Variants in NXN observed in about 807,000 individuals in gnomAD.
The protein encoded by NXN is nucleoredoxin.
In NXN, 16 loss-of-function variants were observed where a neutral mutation model predicts 48.6. The observed-to-expected ratio is 0.33, with a 90% CI of 0.22 to 0.50. The LOEUF (loss-of-function observed/expected upper bound fraction) is 0.50. Ranked by LOEUF, NXN falls within the 20% of genes least tolerant of loss-of-function variation. NXN has a pLI of 0.98. For missense variants in NXN, 492 were observed against 605.5 expected, an observed-to-expected ratio of 0.81 and a Z score of 1.97; for synonymous variants, 281 against 269.6, an observed-to-expected ratio of 1.04 and a Z score of -0.41.
intron 1 of NXN, among the ~76,000 whole-genome samples, chr17:852,216 G>A (rs959632476): frequency 2.6e-5 from 4 of 152,164 alleles, no homozygotes; most frequent in East Asian, 1.9e-4. Flanking sequence ...TCTGCCATCC[G>A]GGGGCATCCG....
intron 4 of NXN, among the ~76,000 whole-genome samples, chr17:820,598 C>T (rs1223210824): frequency 4.7e-5 from 3 of 63,992 alleles, no homozygotes; most frequent in Non-Finnish European, 5.3e-5. Flanking sequence ...GGCGACAGAG[C>T]GAGACTCTGT....
chr17:934,196 A>G (rs1281151401), intron 1 of NXN, among the ~76,000 whole-genome samples: 1 of 152,122 alleles, frequency 6.6e-6, no homozygotes, highest in African/African-American at 2.4e-5. Context: ...CTGTAATCCC[A>G]GCACTTTGGG....
chr17:849,661 C>T lies in NXN; in HGVS notation c.361-23583G>A, dbSNP rs2067902821. Among the ~76,000 whole-genome samples, 1 of 152,196 alleles carries T rather than the reference C, an allele frequency of 6.6e-6. No individual in the cohort carries two copies. The highest frequency in any genetic ancestry group is 1.5e-5 in the Non-Finnish European group (1 of 68,034). On this transcript the variant is annotated intron_variant, in intron 1 of 7. Transcript: ENST00000336868. This position sits in a 1 kb window ranked among gnomAD's most constrained non-coding sequence, Gnocchi z 4.2. ...CTTGTCCTCTGGCGGCCAGCTGCCT[C>T]ATCCCTTTACCTCCGCAGACAAGCA...
rs145476714 is a variant in NXN, at chr17:805,171, G to A, written c.897C>T (p.Asp299=). 2.0e-4 allele frequency: 315 copies of A among 1,610,212 alleles called. 1 individual carries two copies. Among genetic ancestry groups the A allele is most frequent in the African/African-American group, 4.5e-4 (34 of 74,986 alleles). The part of the protein sequence containing the change: ...TRQGRVEVLN[D]EDCREFPWHP... ...GCCAGGGGAACTCCCGGCAGTCCTCGTCGTTCAGCACCTCCACCCGCCCCT... is the reference window on the plus strand; with the variant it reads ...GCCAGGGGAACTCCCGGCAGTCCTCATCGTTCAGCACCTCCACCCGCCCCT... Residue 299 remains aspartate, a synonymous_variant, in exon 6 of 8, where the codon GAC becomes GAT. Coordinates refer to ENST00000336868, the MANE Select transcript of NXN (RefSeq NM_022463.5).
chr17:951,175 TA>T (rs59266525), intron 1 of NXN, among the ~76,000 whole-genome samples: 1 of 56,772 alleles, frequency 1.8e-5, no homozygotes, highest in African/African-American at 5.9e-5. Flanking sequence ...TGTCTCTACT[TA>T]AAAAAAAAAA....
chr17:847,470 T>A (rs1449806860), intron 1 of NXN, among the ~76,000 whole-genome samples: 2 of 152,076 alleles, frequency 1.3e-5, no homozygotes, highest in Non-Finnish European at 2.9e-5. Context: ...ACGTGAAGGC[T>A]TTCTCTAAAT....
intron 5 of NXN, 67 bp from the exon 6 acceptor site, chr17:805,314 G>A (rs1188114288): frequency 9.3e-6 from 14 of 1,504,554 alleles, no homozygotes; most frequent in South Asian, 3.9e-5. Flanking sequence ...CAGGAGGCTC[G>A]CGGGGTCCAG....
intron 5 of NXN, among the ~76,000 whole-genome samples, chr17:812,139 G>C (rs1188769755): frequency 1.3e-5 from 2 of 150,620 alleles, no homozygotes; most frequent in African/African-American, 2.4e-5. Context: ...GTGTTAGCCA[G>C]GACGGTCTCG....
At chr17:970,505 G>T (rs1018293385) in intron 1 of NXN, among the ~76,000 whole-genome samples, 15 of 152,072 alleles carry the variant, frequency 9.9e-5, no homozygotes, top group African/African-American at 3.6e-4. Flanking sequence ...AGAGGTTCTC[G>T]CTCTCCTGCC....
chr17:868,179 C>T (rs551845697), intron 1 of NXN, among the ~76,000 whole-genome samples: 10 of 152,312 alleles, frequency 6.6e-5, no homozygotes, highest in Admixed American at 3.9e-4. Flanking sequence ...CCCCAGAACT[C>T]ACCTCTCCTC....
intron 1 of NXN, among the ~76,000 whole-genome samples, chr17:836,688 T>C (rs1170900492): frequency 6.6e-6 from 1 of 152,190 alleles, no homozygotes; most frequent in Non-Finnish European, 1.5e-5. Context: ...CTTCCTCAGC[T>C]GCAAAATGTA....
intron 4 of NXN, among the ~76,000 whole-genome samples, chr17:821,843 C>G (rs537152184): frequency 6.6e-6 from 1 of 152,204 alleles, no homozygotes; most frequent in South Asian, 2.1e-4. Context: ...CTTCCTCCCC[C>G]TTCCCTGTCT....
chr17:970,647 G>A (rs2069364527), intron 1 of NXN, among the ~76,000 whole-genome samples: 1 of 152,158 alleles, frequency 6.6e-6, no homozygotes, highest in Admixed American at 6.6e-5. Context: ...CGGAACGTTT[G>A]ATGTGAGTAT....
At chr17:946,198 CG>C (rs1567513772) in intron 1 of NXN, among the ~76,000 whole-genome samples, 2 of 148,920 alleles carry the variant, frequency 1.3e-5, no homozygotes, top group South Asian at 2.2e-4. Context: ...GGCAGTGGCG[CG>C]ATCCCTGCTC....
chr17:882,821 G>A (rs1489255579), intron 1 of NXN, among the ~76,000 whole-genome samples: 1 of 152,100 alleles, frequency 6.6e-6, no homozygotes, highest in East Asian at 1.9e-4. Flanking sequence ...GGAGTGCAGT[G>A]GCGCGATCTT....
rs1912865082 is a variant in NXN at position 822,379 on chromosome 17, T to C, written c.691A>G (p.Ile231Val). The C allele has an allele frequency of 2.5e-6, 4 of 1,613,858 alleles. No homozygotes were observed. Among genetic ancestry groups the C allele is most frequent in the Non-Finnish European group, 3.4e-6 (4 of 1,179,918 alleles). Residue 231 changes from isoleucine to valine, a missense_variant, in exon 4 of 8, where the codon ATC becomes GTC. Around this residue, in one of 3 missense-constraint regions of NXN, gnomAD observed 303 missense variants for 388.3 expected, o/e 0.78. Coordinates refer to ENST00000336868, the MANE Select transcript of NXN (RefSeq NM_022463.5). Reference sequence around the variant, plus strand: ...GACCTGTCTGCACTAACGAAGATGATCTCGAAGTTCTGGCCTGCCTCCTTG... The same window carrying C: ...GACCTGTCTGCACTAACGAAGATGACCTCGAAGTTCTGGCCTGCCTCCTTG... ...KIKEAGQNFE[I>V]IFVSADRSEE...
At chr17:972,091 G>A (rs1412063885) in intron 1 of NXN, among the ~76,000 whole-genome samples, 1 of 152,124 alleles carries the variant, frequency 6.6e-6, no homozygotes, top group Non-Finnish European at 1.5e-5. Context: ...ACCTAAGGTT[G>A]GGAGTTGGAG....
At chr17:896,340 CAAA>C (rs34491878) in intron 1 of NXN, among the ~76,000 whole-genome samples, 3 of 134,902 alleles carry the variant, frequency 2.2e-5, no homozygotes, top group Non-Finnish European at 3.2e-5. Flanking sequence ...AACTCCATCT[CAAA>C]AAAAAAAAAA....
At chr17:950,539 C>T (rs2069097866) in intron 1 of NXN, among the ~76,000 whole-genome samples, 1 of 147,864 alleles carries the variant, frequency 6.8e-6, no homozygotes, top group East Asian at 2.0e-4. Context: ...GCATGTGCTT[C>T]TAGAACTTTC....
Sources: allele counts gnomAD v4.1 joint callset (sites outside exome capture counted in the v4.1 genomes callset), GRCh38; gene constraint gnomAD v4.1.1; regional missense constraint gnomAD v4.1.1; non-coding constraint Gnocchi (gnomAD v3.1); transcripts MANE v1.5; gene names NCBI Gene and HGNC (gene_info 2026-07-23, HGNC 2026-07-21).